The following SNX29 variants were observed in gnomAD, a reference collection of about 807,000 sequenced individuals.
SNX29 encodes sorting nexin 29.
A neutral mutation model predicts 102.1 loss-of-function variants in SNX29; 78 were observed. The observed-to-expected ratio is 0.76, with a 90% CI of 0.64 to 0.92. SNX29 has a LOEUF of 0.92. Ranked by LOEUF, SNX29 falls within the 40% of genes least tolerant of loss-of-function variation. The pLI, the probability that SNX29 is intolerant of heterozygous loss-of-function variation, is 0.00. For synonymous variants in SNX29, 580 were observed against 414.5 expected, an observed-to-expected ratio of 1.40 and a Z score of -4.85; for missense variants, 1,280 against 1,061.7, an observed-to-expected ratio of 1.21 and a Z score of -2.86.
chr16:12,409,933 G>A (rs868169997), intron 18 of SNX29, among the ~76,000 whole-genome samples: 5 of 152,170 alleles, frequency 3.3e-5, no homozygotes, highest in African/African-American at 9.7e-5. Context: ...CAACAGAACC[G>A]ATTAGATCTT....
intron 13 of SNX29, among the ~76,000 whole-genome samples, chr16:12,163,748 T>G (rs769641008): frequency 5.9e-5 from 9 of 152,160 alleles, no homozygotes; most frequent in African/African-American, 9.7e-5. Flanking sequence ...TGAGGACTGT[T>G]CCCTGCCTCG....
At chr16:12,556,883 C>T (rs969863539) in intron 20 of SNX29, among the ~76,000 whole-genome samples, 10 of 151,694 alleles carry the variant, frequency 6.6e-5, no homozygotes, top group South Asian at 2.1e-4. Flanking sequence ...GATAGGGTCT[C>T]CGTCTGTCTC....
chr16:12,262,174 A>C (rs1293759430), intron 14 of SNX29, among the ~76,000 whole-genome samples: 1 of 152,172 alleles, frequency 6.6e-6, no homozygotes, highest in African/African-American at 2.4e-5. Flanking sequence ...GGGTCTGTGC[A>C]CGTGTCCCAG....
intron 19 of SNX29, among the ~76,000 whole-genome samples, chr16:12,490,261 A>T (rs137891571): frequency 6.6e-6 from 1 of 152,284 alleles, no homozygotes; most frequent in East Asian, 1.9e-4. Flanking sequence ...TTAAAGGGCC[A>T]CTGTGCTGCT....
chr16:12,542,147 AC>A (rs1213338179), intron 20 of SNX29, among the ~76,000 whole-genome samples: 1 of 152,138 alleles, frequency 6.6e-6, no homozygotes, highest in African/African-American at 2.4e-5. Context: ...AGCCCACGCT[AC>A]CTGGGCTCCT....
At chr16:12,026,719 G>A (rs2057200676) in intron 3 of SNX29, among the ~76,000 whole-genome samples, 1 of 152,222 alleles carries the variant, frequency 6.6e-6, no homozygotes, top group East Asian at 1.9e-4. Context: ...ACAAGAATCA[G>A]AATTCATATT....
At chr16:12,235,163 A>C (rs2077888418) in intron 14 of SNX29, among the ~76,000 whole-genome samples, 2 of 151,904 alleles carry the variant, frequency 1.3e-5, no homozygotes, top group South Asian at 4.2e-4. Context: ...CTTTGCAGTC[A>C]GTTGGAAACA....
intron 15 of SNX29, among the ~76,000 whole-genome samples, chr16:12,305,008 T>C (rs2080295004): frequency 2.6e-5 from 4 of 152,202 alleles, no homozygotes; most frequent in African/African-American, 9.6e-5. Context: ...CATAATTTGA[T>C]CTTCGATAAT....
At chr16:12,152,393 G>A (rs1040625289) in intron 13 of SNX29, among the ~76,000 whole-genome samples, 2 of 152,188 alleles carry the variant, frequency 1.3e-5, no homozygotes, top group Non-Finnish European at 2.9e-5. Context: ...ACCTGCAGAT[G>A]GTCATTTCAA....
intron 18 of SNX29, among the ~76,000 whole-genome samples, chr16:12,414,943 G>C (rs1007021287): frequency 2.0e-5 from 3 of 152,088 alleles, no homozygotes; most frequent in Admixed American, 1.3e-4. Context: ...GGCTGGTCTC[G>C]AACTCCTAAC....
intron 13 of SNX29, among the ~76,000 whole-genome samples, chr16:12,186,789 C>T (rs1279860060): frequency 1.3e-5 from 2 of 152,154 alleles, no homozygotes; most frequent in East Asian, 3.9e-4. Context: ...TCAGCTGTTT[C>T]CTCATGATTA....
intron 3 of SNX29, among the ~76,000 whole-genome samples, chr16:12,009,811 C>T (rs7197059): frequency 0.37 from 56,915 of 152,124 alleles, 12,033 homozygotes; most frequent in Non-Finnish European, 0.48. Flanking sequence ...AATATTTTGC[C>T]CTCTAGAAAT....
intron 8 of SNX29, among the ~76,000 whole-genome samples, chr16:12,060,283 C>T (rs2050717302): frequency 6.6e-6 from 1 of 152,094 alleles, no homozygotes; most frequent in Non-Finnish European, 1.5e-5. Context: ...TATGCAAATA[C>T]TACACCGTTT....
At chr16:12,464,377 C>T (rs905277723) in intron 18 of SNX29, among the ~76,000 whole-genome samples, 1 of 152,128 alleles carries the variant, frequency 6.6e-6, no homozygotes, top group Non-Finnish European at 1.5e-5. Context: ...AATAATACTG[C>T]AGTGAATATG....
chr16:12,019,521 C>G (rs1261364394), intron 3 of SNX29, among the ~76,000 whole-genome samples: 2 of 151,526 alleles, frequency 1.3e-5, no homozygotes, highest in Non-Finnish European at 2.9e-5. Flanking sequence ...ACCAGTAAAT[C>G]TTTCACCAAG....
intron 20 of SNX29, among the ~76,000 whole-genome samples, chr16:12,540,735 C>A (rs1212801251): frequency 6.6e-6 from 1 of 152,308 alleles, no homozygotes; most frequent in African/African-American, 2.4e-5. Context: ...AGCTGGGCAT[C>A]CTTGGGGCAC....
chr16:12,098,407 G>A lies in SNX29; in HGVS notation c.1402+19492G>A, dbSNP rs1209146578. 6.6e-6 allele frequency among the ~76,000 whole-genome samples: 1 copy of A among 152,144 alleles called. No homozygotes were observed. The highest frequency in any genetic ancestry group is 1.5e-5 in the Non-Finnish European group (1 of 68,036). On this transcript the variant is annotated intron_variant, in intron 11 of 20. Transcript: ENST00000566228. This position sits in a 1 kb window ranked among gnomAD's most constrained non-coding sequence, Gnocchi z 6.0. ...ATTGGAGTTCACCTTCTGGAAGAACGTCGCTGCCCAGTTGAATAGGGGGTT... is the reference window on the plus strand; with the variant it reads ...ATTGGAGTTCACCTTCTGGAAGAACATCGCTGCCCAGTTGAATAGGGGGTT...
At chr16:12,146,344 C>A (rs981066620) in intron 13 of SNX29, among the ~76,000 whole-genome samples, 14 of 152,072 alleles carry the variant, frequency 9.2e-5, no homozygotes, top group Non-Finnish European at 1.8e-4. Flanking sequence ...CAGCTCACTG[C>A]AACCCCCACC....
chr16:12,302,940 G>A (rs1006952049), intron 15 of SNX29, among the ~76,000 whole-genome samples: 8 of 152,162 alleles, frequency 5.3e-5, no homozygotes, highest in Non-Finnish European at 1.0e-4. Flanking sequence ...GCTTGTCACC[G>A]TTCAAAAGTT....
Sources: allele counts gnomAD v4.1 joint callset (sites outside exome capture counted in the v4.1 genomes callset), GRCh38; gene constraint gnomAD v4.1.1; non-coding constraint Gnocchi (gnomAD v3.1); transcripts MANE v1.5; gene names NCBI Gene and HGNC (gene_info 2026-07-23, HGNC 2026-07-21).